The following LRRC37A2 variants were observed in gnomAD, a reference collection of about 807,000 sequenced individuals.
LRRC37A2 encodes the protein leucine rich repeat containing 37 member A2, also known as leucine-rich repeat-containing protein 37A2.
LRRC37A2 carries 9 observed loss-of-function variants against 68.8 expected under a neutral mutation model. That is an observed-to-expected ratio of 0.13 (90% CI 0.08 to 0.23). LRRC37A2 has a LOEUF of 0.23. Among genes scored for constraint, LRRC37A2 ranks in the 10% least tolerant of loss-of-function variants. LRRC37A2 has a pLI of 1.00. For synonymous variants in LRRC37A2, 63 were observed against 367.6 expected, an observed-to-expected ratio of 0.17 and a Z score of 9.48; for missense variants, 168 against 950.4, an observed-to-expected ratio of 0.18 and a Z score of 10.82.
chr17:46,885,711 A>C, the LRRC37A2 span: 1 of 152,248 alleles, frequency 6.6e-6, no homozygotes, highest in Admixed American at 6.5e-5. Context: ...CTTGTTCTCC[A>C]TACTGTTTAC....
chr17:46,918,555 A>G, the LRRC37A2 span, among the ~76,000 whole-genome samples: 1 of 152,148 alleles, frequency 6.6e-6, no homozygotes, highest in South Asian at 2.1e-4. Flanking sequence ...TTGCAAAACC[A>G]CAATTATTTT....
the LRRC37A2 span, among the ~76,000 whole-genome samples, chr17:46,912,680 G>C: frequency 0.39 from 59,971 of 152,054 alleles, 11,774 homozygotes; most frequent in South Asian, 0.48. Context: ...TCTGAATTCA[G>C]AAGTGCCACC....
the LRRC37A2 span, chr17:46,978,826 C>G: frequency 2.5e-6 from 4 of 1,607,530 alleles, no homozygotes; most frequent in Non-Finnish European, 3.4e-6. Flanking sequence ...CACCCACAGG[C>G]TGCGCTCGTC....
the LRRC37A2 span, chr17:46,768,731 G>C: frequency 6.2e-7 from 1 of 1,614,150 alleles, no homozygotes; most frequent in South Asian, 1.1e-5. The surrounding 1 kb of genome is among the most constrained non-coding windows in gnomAD (Gnocchi z 5.0). Context: ...CCCACCAGCA[G>C]GTCTTCACCT....
chr17:46,424,083 C>CG, the LRRC37A2 span, among the ~76,000 whole-genome samples: 2 of 31,610 alleles, frequency 6.3e-5, no homozygotes, highest in African/African-American at 1.2e-4. Context: ...TCTTTGAGTG[C>CG]GTGGCCTTTA....
the LRRC37A2 span, among the ~76,000 whole-genome samples, chr17:46,999,180 G>A: frequency 2.0e-5 from 3 of 152,242 alleles, no homozygotes; most frequent in African/African-American, 2.4e-5. Flanking sequence ...AGGCCCACAC[G>A]TTAGTGTCAA....
rs1330868479 is a variant in LRRC37A2, at chr17:46,526,580, A to G, written c.2906+2696A>G. Among the ~76,000 whole-genome samples the G allele has an allele frequency of 1.9e-5, 2 of 103,874 alleles. 1 individual carries two copies. The highest frequency in any genetic ancestry group is 4.2e-5 in the Non-Finnish European group (2 of 47,926). The allele number at this position is 103,874 out of a possible 152,430, so 68.1% of individuals were successfully genotyped here. On this transcript the variant is annotated intron_variant, in intron 6 of 14. Transcript: ENST00000576629. ...ATCCTGAAATCATCCCTGGGTTCCAATAGTTACAACCCAGTAAATCTCTTG... is the reference window on the plus strand; with the variant it reads ...ATCCTGAAATCATCCCTGGGTTCCAGTAGTTACAACCCAGTAAATCTCTTG...
chr17:46,965,176 CAGGGCATAGTGG>C, the LRRC37A2 span: 1 of 152,224 alleles, frequency 6.6e-6, no homozygotes, highest in Admixed American at 6.5e-5. Context: ...GGGCAGGGCC[CAGGGCATAGTGG>C]AAGGATGTCT....
the LRRC37A2 span, chr17:46,851,726 G>A: frequency 4.0e-6 from 5 of 1,264,742 alleles, no homozygotes; most frequent in Non-Finnish European, 4.0e-6. This position sits in a 1 kb window ranked among gnomAD's most constrained non-coding sequence, Gnocchi z 4.3. Context: ...GTCAGTGCCC[G>A]CCGCGCCCCC....
At chr17:46,973,669 G>T in the LRRC37A2 span, among the ~76,000 whole-genome samples, 16 of 152,130 alleles carry the variant, frequency 1.1e-4, no homozygotes, top group African/African-American at 3.9e-4. Flanking sequence ...TGCCGAGCTG[G>T]GGTTTGCTGT....
chr17:46,496,497 GAAGGTTAAGTC>G, the LRRC37A2 span, among the ~76,000 whole-genome samples: 1 of 146,198 alleles, frequency 6.8e-6, no homozygotes, highest in Non-Finnish European at 1.5e-5. Context: ...CAGCTACTCA[GAAGGTTAAGTC>G]AAGATAATCA....
the LRRC37A2 span, among the ~76,000 whole-genome samples, chr17:46,850,644 C>G: frequency 1.3e-5 from 2 of 152,222 alleles, no homozygotes; most frequent in African/African-American, 4.8e-5. Flanking sequence ...TTAAATCTCA[C>G]TTGGGTCATT....
chr17:46,872,754 G>A, the LRRC37A2 span: 1 of 1,581,904 alleles, frequency 6.3e-7, no homozygotes, highest in Middle Eastern at 2.0e-4. Flanking sequence ...TGGAGGGCAG[G>A]ATGGGCCTGC....
At chr17:47,013,551 T>C in the LRRC37A2 span, among the ~76,000 whole-genome samples, 2 of 152,200 alleles carry the variant, frequency 1.3e-5, no homozygotes, top group Admixed American at 6.5e-5. Flanking sequence ...CCACATTCCC[T>C]AGAGTCGTGG....
At chr17:46,783,097 C>T in the LRRC37A2 span, among the ~76,000 whole-genome samples, 1 of 152,210 alleles carries the variant, frequency 6.6e-6, no homozygotes, top group African/African-American at 2.4e-5. Context: ...CTCAACGGGG[C>T]CCTCTGGCTC....
chr17:47,000,673 C>T, the LRRC37A2 span, among the ~76,000 whole-genome samples: 4 of 152,170 alleles, frequency 2.6e-5, no homozygotes, highest in African/African-American at 9.7e-5. Flanking sequence ...CATTTTCTCA[C>T]TGACATGCTA....
chr17:46,770,069 G>A, the LRRC37A2 span: 3 of 1,529,718 alleles, frequency 2.0e-6, no homozygotes, highest in Non-Finnish European at 2.6e-6. Context: ...GTCGTGGGGA[G>A]GCAGCACTCA....
At chr17:46,998,097 A>C in the LRRC37A2 span, among the ~76,000 whole-genome samples, 1 of 152,256 alleles carries the variant, frequency 6.6e-6, no homozygotes, top group African/African-American at 2.4e-5. Context: ...ATTTAATCAA[A>C]ATGTTAGAAA....
At chr17:46,893,839 G>A in the LRRC37A2 span, among the ~76,000 whole-genome samples, 1 of 152,190 alleles carries the variant, frequency 6.6e-6, no homozygotes. Flanking sequence ...AAGCCAAGGT[G>A]GCCAGGGGCT....
Sources: gnomAD v4.1 joint callset for allele counts (sites outside exome capture counted in the v4.1 genomes callset) on GRCh38, gnomAD v4.1.1 for gene constraint, Gnocchi (gnomAD v3.1) non-coding constraint, MANE v1.5 for transcripts, NCBI Gene and HGNC (gene_info 2026-07-23, HGNC 2026-07-21) for gene names.